The following PFKFB3 variants were observed in gnomAD, a reference collection of about 807,000 sequenced individuals.
PFKFB3 encodes the protein 6-phosphofructo-2-kinase/fructose-2,6-bisphosphatase 3.
A neutral mutation model predicts 68.0 loss-of-function variants in PFKFB3; 33 were observed. The observed-to-expected ratio is 0.49, with a 90% CI of 0.37 to 0.65. The LOEUF is 0.65. PFKFB3 is among the 30% of genes least tolerant of loss of function. The probability of loss-of-function intolerance (pLI) is 0.00; values close to 1 mark genes in which losing one functional copy is unlikely to be tolerated. For missense variants in PFKFB3, 586 were observed against 712.2 expected (o/e 0.82, Z 2.02); for synonymous variants, 315 against 288.2 (o/e 1.09, Z -0.94).
intron 1 of PFKFB3, among the ~76,000 whole-genome samples, chr10:6,178,851 A>C (rs1335780299): frequency 6.6e-6 from 1 of 152,158 alleles, no homozygotes; most frequent in Non-Finnish European, 1.5e-5. Context: ...CTGAGCCGGG[A>C]CGCAGCGCAC....
the PFKFB3 span, among the ~76,000 whole-genome samples, chr10:6,322,475 T>G: frequency 2.0e-5 from 3 of 152,236 alleles, no homozygotes; most frequent in African/African-American, 7.2e-5. Context: ...CCCAGTAGCC[T>G]GAATGATCTT....
chr10:6,231,544 A>T lies in PFKFB3; in HGVS notation c.1516-1351A>T, dbSNP rs1022616711. 4.1e-6 allele frequency: 4 copies of T among 985,092 alleles called. No homozygotes were observed. In the East Asian group the frequency reaches 4.5e-4, roughly 112 times the overall value. The allele number at this position is 985,092 out of a possible 1,614,324, so 61.0% of individuals were successfully genotyped here. ...CATCACCCGGTCTTGCAGGCTCTCC[A>T]CTGTTATTGTTGCATCGCCATCACC... On this transcript the variant is annotated intron_variant, in intron 14 of 14. Transcript: ENST00000379775.
At chr10:6,227,596 A>G (rs938290879) in intron 14 of PFKFB3, among the ~76,000 whole-genome samples, 6 of 152,216 alleles carry the variant, frequency 3.9e-5, no homozygotes, top group Admixed American at 1.3e-4. Context: ...CATGCCCTGC[A>G]TCAGGCCCAG....
chr10:6,212,573 G>A (rs1410482359), intron 1 of PFKFB3, among the ~76,000 whole-genome samples: 5 of 152,128 alleles, frequency 3.3e-5, no homozygotes, highest in South Asian at 2.1e-4. Flanking sequence ...TGAGAGGCTC[G>A]GGTGGAGGAT....
intron 13 of PFKFB3, chr10:6,225,298 G>T: frequency 2.3e-6 from 1 of 440,450 alleles, no homozygotes. Flanking sequence ...GGCATGAAGG[G>T]ATGAGGTGTC....
At chr10:6,155,690 C>T (rs938205086) in intron 1 of PFKFB3, among the ~76,000 whole-genome samples, 2 of 152,142 alleles carry the variant, frequency 1.3e-5, no homozygotes, top group Non-Finnish European at 2.9e-5. Flanking sequence ...ACTTCCAAAT[C>T]AGGATACTGG....
chr10:6,218,090 G>A (rs1844710913), intron 6 of PFKFB3, among the ~76,000 whole-genome samples: 1 of 152,196 alleles, frequency 6.6e-6, no homozygotes, highest in African/African-American at 2.4e-5. Flanking sequence ...TTGTCCAGTG[G>A]GAGCAGGAGG....
At chr10:6,175,179 C>T (rs952594008) in intron 1 of PFKFB3, among the ~76,000 whole-genome samples, 3 of 152,116 alleles carry the variant, frequency 2.0e-5, no homozygotes, top group African/African-American at 7.2e-5. Context: ...TCAGTTTTAC[C>T]CCCTCTTTGG....
intron 14 of PFKFB3, among the ~76,000 whole-genome samples, chr10:6,244,473 G>A (rs1846210728): frequency 1.3e-5 from 2 of 152,136 alleles, no homozygotes; most frequent in African/African-American, 4.8e-5. Context: ...CCAATTCGGG[G>A]CAGGCCTGAG....
rs1219242055 is a variant in PFKFB3 at position 6,233,076 on chromosome 10, A to T, written c.*134A>T. On this transcript the variant is annotated 3_prime_UTR_variant, in exon 15 of 15. Coordinates refer to ENST00000379775, the MANE Select transcript of PFKFB3 (RefSeq NM_004566.4). The stretch of plus-strand genomic sequence containing the variant: ...TGGAGCAGCGGGGGAGCCTTGGCCG[A>T]AGAGAACCATGCTTGGCACCGTCTG... The T allele has an allele frequency of 2.3e-5, 17 of 728,908 alleles. No individual in the cohort carries two copies. The highest frequency in any genetic ancestry group is 3.9e-5 in the Non-Finnish European group (16 of 414,208). 45.2% of individuals were successfully genotyped at this position (728,908 alleles called of 1,614,324 possible).
At chr10:6,205,973 A>C (rs972420888) in intron 1 of PFKFB3, among the ~76,000 whole-genome samples, 1 of 71,184 alleles carries the variant, frequency 1.4e-5, no homozygotes, top group African/African-American at 4.0e-5. Flanking sequence ...AATTAAAAAA[A>C]ATTTTTTTTT....
intron 1 of PFKFB3, among the ~76,000 whole-genome samples, chr10:6,186,029 A>G (rs548494236): frequency 6.6e-6 from 1 of 152,162 alleles, no homozygotes; most frequent in Non-Finnish European, 1.5e-5. Context: ...GTGGCCCAGT[A>G]GAACTACTGG....
In PFKFB3 at chr10:6,235,292, CTATT is replaced by C. The variant is rs1379825837; in HGVS notation, c.*2361_*2364del. 2.6e-5 allele frequency: 4 copies of C among 152,530 alleles called. No individual in the cohort carries two copies. Among genetic ancestry groups the C allele is most frequent in the African/African-American group, 7.3e-5 (3 of 41,368 alleles). 9.4% of individuals were successfully genotyped at this position (152,530 alleles called of 1,614,324 possible). On this transcript the variant is annotated 3_prime_UTR_variant, in exon 15 of 15. Coordinates refer to ENST00000379775, the MANE Select transcript of PFKFB3 (RefSeq NM_004566.4). ...TTTTATTATTTTGATAGCAGATGTGCTATTTATTTATTTAATATGTATAAGGAGC... is the reference window on the plus strand; with the variant it reads ...TTTTATTATTTTGATAGCAGATGTGCTATTTATTTAATATGTATAAGGAGC...
At chr10:6,294,534 A>G in the PFKFB3 span, 3,237 of 179,230 alleles carry the variant, frequency 0.018, 66 homozygotes, top group Admixed American at 0.056. Flanking sequence ...TCATGATTCA[A>G]TTACCTCCCA....
At chr10:6,184,590 C>T (rs1368391643) in intron 1 of PFKFB3, among the ~76,000 whole-genome samples, 1 of 151,994 alleles carries the variant, frequency 6.6e-6, no homozygotes, top group Non-Finnish European at 1.5e-5. Context: ...CCTGCCTCAG[C>T]CTCCTGAGGA....
chr10:6,182,226 G>T (rs374664459), intron 1 of PFKFB3, among the ~76,000 whole-genome samples: 1 of 152,072 alleles, frequency 6.6e-6, no homozygotes, highest in Non-Finnish European at 1.5e-5. Context: ...AGGCCAGCCC[G>T]CTTCTCACCA....
chr10:6,318,600 C>T, the PFKFB3 span, among the ~76,000 whole-genome samples: 110 of 152,276 alleles, frequency 7.2e-4, no homozygotes, highest in African/African-American at 2.2e-3. Flanking sequence ...GCTCATTTTG[C>T]GCTTTTGCCT....
chr10:6,189,045 T>A (rs1003165092), intron 1 of PFKFB3, among the ~76,000 whole-genome samples: 6 of 152,244 alleles, frequency 3.9e-5, no homozygotes, highest in South Asian at 4.1e-4. Context: ...TTCACTGTGT[T>A]AGCCAGGATG....
the PFKFB3 span, among the ~76,000 whole-genome samples, chr10:6,280,598 G>C: frequency 6.2e-4 from 94 of 152,164 alleles, 2 homozygotes; most frequent in Admixed American, 2.0e-4. Context: ...TTTTAGCCCA[G>C]TCTAGAAAAA....
Sources: gnomAD v4.1 joint callset for allele counts (sites outside exome capture counted in the v4.1 genomes callset) on GRCh38, gnomAD v4.1.1 for gene constraint, MANE v1.5 for transcripts, NCBI Gene and HGNC (gene_info 2026-07-23, HGNC 2026-07-21) for gene names.